DMD: variants seen among roughly 807,000 people sequenced by gnomAD.
DMD encodes the protein dystrophin, also known as mutant dystrophin.
A neutral mutation model predicts 330.1 loss-of-function variants in DMD; 63 were observed. The ratio of observed to expected loss-of-function variants is 0.19; its 90% CI spans 0.16 to 0.24. The LOEUF (loss-of-function observed/expected upper bound fraction) is 0.24, where lower values mean the gene tolerates loss of function less well. Among genes scored for constraint, DMD ranks in the 10% least tolerant of loss-of-function variants. The probability of loss-of-function intolerance (pLI) is 1.00; values close to 1 mark genes in which losing one functional copy is unlikely to be tolerated. For missense variants in DMD, 3,344 were observed against 2,684.1 expected, an observed-to-expected ratio of 1.25 and a Z score of -5.43; for synonymous variants, 1,223 against 959.8, an observed-to-expected ratio of 1.27 and a Z score of -5.07.
At chrX:32,717,081 C>T (rs1476970735) in intron 7 of DMD, among the ~76,000 whole-genome samples, 2 of 110,713 alleles carry the variant, frequency 1.8e-5, no homozygotes, top group African/African-American at 3.3e-5. Flanking sequence ...TGGTAGAAAA[C>T]AAAAGCCTAT....
At chrX:32,399,675 A>T (rs1306692168) in intron 30 of DMD, among the ~76,000 whole-genome samples, 3 of 111,402 alleles carry the variant, frequency 2.7e-5, no homozygotes, top group Admixed American at 1.9e-4. Context: ...AAGTTTTGAG[A>T]TTCCTCAAAA....
intron 41 of DMD, among the ~76,000 whole-genome samples, chrX:32,328,761 C>G (rs1039734913): frequency 9.2e-6 from 1 of 109,214 alleles, no homozygotes; most frequent in African/African-American, 3.3e-5. Context: ...GACATTGTAA[C>G]AAAATGAGAA....
chrX:31,499,653 A>C (rs1251706957), intron 56 of DMD, among the ~76,000 whole-genome samples: 1 of 109,921 alleles, frequency 9.1e-6, no homozygotes, highest in Non-Finnish European at 1.9e-5. Flanking sequence ...CACCACACCC[A>C]GCTAATTTTT....
At chrX:33,294,232 C>G (rs1235060613) in intron 1 of DMD, among the ~76,000 whole-genome samples, 2 of 111,009 alleles carry the variant, frequency 1.8e-5, no homozygotes, top group African/African-American at 3.3e-5. Flanking sequence ...GCTATATGCT[C>G]TTAAGACCAT....
At chrX:32,979,333 A>T (rs1438108852) in intron 2 of DMD, among the ~76,000 whole-genome samples, 1 of 111,980 alleles carries the variant, frequency 8.9e-6, no homozygotes, top group Non-Finnish European at 1.9e-5. Flanking sequence ...TAATTAGTTT[A>T]ACATGACCTA....
intron 44 of DMD, among the ~76,000 whole-genome samples, chrX:32,032,076 A>G (rs1164115229): frequency 1.8e-5 from 2 of 111,417 alleles, no homozygotes; most frequent in East Asian, 5.6e-4. Flanking sequence ...GGGGGATTAT[A>G]TTTTTTAGAT....
chrX:32,005,416 C>T (rs752086643), intron 44 of DMD, among the ~76,000 whole-genome samples: 5 of 111,023 alleles, frequency 4.5e-5, no homozygotes, highest in Non-Finnish European at 9.5e-5. Context: ...AAAAATTATA[C>T]GTATTCCTCT....
intron 53 of DMD, among the ~76,000 whole-genome samples, chrX:31,658,517 A>G (rs2148618433): frequency 8.9e-6 from 1 of 112,120 alleles, no homozygotes; most frequent in Admixed American, 9.4e-5. Context: ...AACCTCATAC[A>G]TTTCTTTCCC....
chrX:31,787,282 A>T (rs745724594), intron 50 of DMD, among the ~76,000 whole-genome samples: 280 of 111,581 alleles, frequency 2.5e-3, no homozygotes, highest in Non-Finnish European at 4.7e-3. Context: ...GAGGCAGGAG[A>T]ATCACTTGAA....
At chrX:32,573,396 T>G (rs1183817436) in intron 15 of DMD, 134 bp downstream of exon 15, 1 of 545,458 alleles carries the variant, frequency 1.8e-6, no homozygotes, top group African/African-American at 2.4e-5. Flanking sequence ...AGTAGCAATA[T>G]AACATCTTTG....
intron 43 of DMD, among the ~76,000 whole-genome samples, chrX:32,233,914 G>A (rs768372561): frequency 8.1e-5 from 9 of 111,007 alleles, no homozygotes; most frequent in African/African-American, 1.3e-4. Flanking sequence ...ACAGGCATGA[G>A]TCACCACACC....
chrX:32,431,480 C>A (rs1158765071), intron 29 of DMD, among the ~76,000 whole-genome samples: 2 of 110,520 alleles, frequency 1.8e-5, no homozygotes, highest in Non-Finnish European at 3.8e-5. Flanking sequence ...TTTGAAAACT[C>A]CCATTGAGAT....
chrX:31,401,462 G>A (rs1368140597), intron 60 of DMD, among the ~76,000 whole-genome samples: 1 of 112,098 alleles, frequency 8.9e-6, no homozygotes, highest in Non-Finnish European at 1.9e-5. Context: ...ATGAGTAGAC[G>A]TAACCATGTC....
intron 61 of DMD, among the ~76,000 whole-genome samples, chrX:31,325,616 AAAAC>A (rs758604649): frequency 9.9e-5 from 11 of 110,936 alleles, no homozygotes; most frequent in Non-Finnish European, 1.5e-4. Context: ...CTCCAACTGA[AAAAC>A]AAACAAACAA....
chrX:31,530,675 T>TC (rs2073702852), intron 55 of DMD, among the ~76,000 whole-genome samples: 1 of 93,888 alleles, frequency 1.1e-5, no homozygotes, highest in Non-Finnish European at 2.1e-5. Context: ...TTTTTAATTT[T>TC]TTTTTTTTTT....
In DMD at chrX:32,407,585, A is replaced by T. The variant is rs939147713; in HGVS notation, c.4233+4167T>A. On this transcript the variant is annotated intron_variant, in intron 30 of 78. Coordinates refer to ENST00000357033, the MANE Select transcript of DMD (RefSeq NM_004006.3). ...TGTGGCGATTCCTCAGGGATCTAGA[A>T]CTAGAAATACCATTTGACCCAGCCA... 3.6e-5 allele frequency among the ~76,000 whole-genome samples: 4 copies of T among 110,958 alleles called. No individual in the cohort carries two copies. In the Admixed American group the frequency reaches 3.8e-4, roughly 11 times the overall value.
chrX:33,190,944 T>A, intron 1 of DMD, among the ~76,000 whole-genome samples: 1 of 1,247 alleles, frequency 8.0e-4, no homozygotes, highest in East Asian at 0.067. Context: ...ATATATATAA[T>A]ATATAATATT....
rs145117280 is a variant in DMD, at chrX:31,470,279, T to C, written c.8937+7827A>G. ...TCCGGTTTTTGGAATTTTCAGGCTT[T>C]TTGTGCTGGTTTTTCCTCATCTTCG... On this transcript the variant is annotated intron_variant, in intron 59 of 78. Coordinates refer to ENST00000357033, the MANE Select transcript of DMD (RefSeq NM_004006.3). 4.8e-3 allele frequency among the ~76,000 whole-genome samples: 540 copies of C among 111,523 alleles called. 5 individuals are homozygous for C. Among genetic ancestry groups the C allele is most frequent in the African/African-American group, 0.016 (491 of 30,673 alleles).
intron 53 of DMD, among the ~76,000 whole-genome samples, chrX:31,676,663 G>A (rs775665681): frequency 5.9e-4 from 66 of 111,853 alleles, no homozygotes; most frequent in African/African-American, 2.0e-3. Flanking sequence ...CTATGCATTC[G>A]CATCACAACT....
Sources: allele counts gnomAD v4.1 joint callset (sites outside exome capture counted in the v4.1 genomes callset), GRCh38; gene constraint gnomAD v4.1.1; transcripts MANE v1.5; gene names NCBI Gene and HGNC (gene_info 2026-07-23, HGNC 2026-07-21).